PDE4D: variants seen among roughly 807,000 people sequenced by gnomAD.
PDE4D encodes the protein 3',5'-cyclic-AMP phosphodiesterase 4D.
In PDE4D, 24 loss-of-function variants were observed where a neutral mutation model predicts 87.4. The ratio of observed to expected loss-of-function variants is 0.27; its 90% CI spans 0.20 to 0.39. The LOEUF is 0.39. Among genes scored for constraint, PDE4D ranks in the 10% least tolerant of loss-of-function variants. The pLI, the probability that PDE4D is intolerant of heterozygous loss-of-function variation, is 1.00. For synonymous variants in PDE4D, 384 were observed against 383.2 expected, an observed-to-expected ratio of 1.00 and a Z score of -0.02; for missense variants, 714 against 1,041.0, an observed-to-expected ratio of 0.69 and a Z score of 4.32.
At chr5:60,401,704 T>C (rs1049312905) in intron 1 of PDE4D, among the ~76,000 whole-genome samples, 13 of 152,288 alleles carry the variant, frequency 8.5e-5, no homozygotes, top group Middle Eastern at 3.4e-3. Flanking sequence ...TAATAGGCAC[T>C]TCCCAGGAAA....
chr5:59,039,010 C>T (rs1394348354), intron 5 of PDE4D, 39 bp from the exon 6 acceptor site: 1 of 1,548,514 alleles, frequency 6.5e-7, no homozygotes. Flanking sequence ...AGTTCTCAAG[C>T]GCTTCACGGG....
chr5:59,190,998 T>C (rs1017778971), intron 3 of PDE4D, among the ~76,000 whole-genome samples: 1 of 152,200 alleles, frequency 6.6e-6, no homozygotes, highest in African/African-American at 2.4e-5. Flanking sequence ...TAGCTAATCA[T>C]AAGCAAAGAC....
At chr5:60,013,585 G>A (rs983178437) in intron 2 of PDE4D, among the ~76,000 whole-genome samples, 1 of 152,066 alleles carries the variant, frequency 6.6e-6, no homozygotes, top group East Asian at 1.9e-4. Flanking sequence ...TTTGCCCTAA[G>A]TTATACTACT....
At chr5:60,503,257 A>G (rs1298013929) in intron 1 of PDE4D, among the ~76,000 whole-genome samples, 1 of 152,124 alleles carries the variant, frequency 6.6e-6, no homozygotes, top group Non-Finnish European at 1.5e-5. Context: ...AGGGCAGAAT[A>G]CCCTATAGAC....
intron 1 of PDE4D, among the ~76,000 whole-genome samples, chr5:59,649,904 C>CTTGTTTTTTTTTT (rs1561402852): frequency 2.7e-5 from 2 of 73,960 alleles, no homozygotes; most frequent in African/African-American, 1.0e-4. Context: ...AGTTTGTGAA[C>CTTGTTTTTTTTTT]CTTTTTTTTT....
chr5:59,099,376 A>T (rs1770340702), intron 5 of PDE4D, among the ~76,000 whole-genome samples: 1 of 152,172 alleles, frequency 6.6e-6, no homozygotes, highest in African/African-American at 2.4e-5. Context: ...TGAACAAATA[A>T]CACATCTTAC....
At chr5:60,401,834 T>A (rs1468869242) in intron 1 of PDE4D, among the ~76,000 whole-genome samples, 1 of 152,232 alleles carries the variant, frequency 6.6e-6, no homozygotes, top group Non-Finnish European at 1.5e-5. Flanking sequence ...AACAGATATG[T>A]CTAGCCCAAT....
At chr5:60,051,002 A>G (rs1421167832) in intron 2 of PDE4D, among the ~76,000 whole-genome samples, 1 of 152,228 alleles carries the variant, frequency 6.6e-6, no homozygotes. Context: ...TCCTAAATAT[A>G]TTTGTACCCA....
chr5:60,517,567 A>G (rs1054631625), intron 1 of PDE4D, among the ~76,000 whole-genome samples: 1 of 152,188 alleles, frequency 6.6e-6, no homozygotes, highest in Non-Finnish European at 1.5e-5. Context: ...GAGAGGAGCT[A>G]CCCACTGTAG....
intron 2 of PDE4D, among the ~76,000 whole-genome samples, chr5:60,098,899 T>C (rs1404525320): frequency 1.3e-5 from 2 of 152,046 alleles, no homozygotes; most frequent in East Asian, 1.9e-4. Context: ...ATGTTAGCTA[T>C]GGGATTTCCT....
intron 1 of PDE4D, among the ~76,000 whole-genome samples, chr5:59,620,222 G>T (rs1198020658): frequency 6.6e-6 from 1 of 152,194 alleles, no homozygotes; most frequent in Non-Finnish European, 1.5e-5. Flanking sequence ...ATCCAATTGG[G>T]TCTGGAGAGT....
chr5:59,507,658 C>G (rs1809502816), intron 1 of PDE4D, among the ~76,000 whole-genome samples: 1 of 75,438 alleles, frequency 1.3e-5, no homozygotes, highest in South Asian at 3.1e-4. Flanking sequence ...GAGCAATACC[C>G]TGTCTCAAAA....
At chr5:59,058,658 T>G (rs1313753220) in intron 5 of PDE4D, among the ~76,000 whole-genome samples, 3 of 152,102 alleles carry the variant, frequency 2.0e-5, no homozygotes, top group South Asian at 2.1e-4. Flanking sequence ...ATCTGGGTAC[T>G]ACCCTCTACC....
intron 1 of PDE4D, among the ~76,000 whole-genome samples, chr5:59,536,207 T>A (rs11957508): frequency 0.22 from 34,151 of 151,952 alleles, 4,120 homozygotes; most frequent in Non-Finnish European, 0.26. Context: ...CTGGAAAATT[T>A]AAAAAATTAG....
intron 1 of PDE4D, among the ~76,000 whole-genome samples, chr5:59,403,625 C>T (rs935614906): frequency 5.3e-5 from 8 of 152,108 alleles, no homozygotes; most frequent in Admixed American, 5.2e-4. Flanking sequence ...CATGTTGTTG[C>T]AAATGACAGG....
intron 1 of PDE4D, among the ~76,000 whole-genome samples, chr5:60,242,765 T>A (rs771435471): frequency 7.6e-4 from 115 of 152,098 alleles, no homozygotes; most frequent in Middle Eastern, 3.4e-3. Flanking sequence ...AGGGAAATTA[T>A]AAAATTTCTT....
In PDE4D at chr5:59,156,678, A is replaced by C. The variant is rs181597763; in HGVS notation, c.808+23917T>G. Reference sequence around the variant, plus strand: ...CTGCTCACTCTGAATTTCTGGAAAAAGAAATCAACTTCTGTCTTGATTGAA... The same window carrying C: ...CTGCTCACTCTGAATTTCTGGAAAACGAAATCAACTTCTGTCTTGATTGAA... On this transcript the variant is annotated intron_variant, in intron 5 of 14. Transcript: ENST00000340635. Among the ~76,000 whole-genome samples the C allele has an allele frequency of 2.7e-4, 41 of 152,186 alleles. No homozygotes were observed. In the East Asian group the frequency reaches 7.7e-3, roughly 29 times the overall value.
intron 1 of PDE4D, among the ~76,000 whole-genome samples, chr5:59,671,799 C>A (rs1241378789): frequency 6.7e-6 from 1 of 150,318 alleles, no homozygotes; most frequent in African/African-American, 2.4e-5. Flanking sequence ...AAAGGGAGAC[C>A]CTGTCTCAAG....
chr5:59,739,882 T>C (rs777563873), intron 1 of PDE4D, among the ~76,000 whole-genome samples: 28 of 152,192 alleles, frequency 1.8e-4, no homozygotes, highest in Non-Finnish European at 2.1e-4. Context: ...TTATAGAAGA[T>C]TATGGAATAT....
Sources: allele counts gnomAD v4.1 joint callset (sites outside exome capture counted in the v4.1 genomes callset), GRCh38; gene constraint gnomAD v4.1.1; transcripts MANE v1.5; gene names NCBI Gene and HGNC (gene_info 2026-07-23, HGNC 2026-07-21).